AKT3: variants seen among roughly 807,000 people sequenced by gnomAD.
AKT3 encodes the protein AKT serine/threonine kinase 3, also known as RAC-gamma serine/threonine-protein kinase.
Under a neutral mutation model 65.3 loss-of-function variants are expected in AKT3, and 15 were observed. The ratio of observed to expected loss-of-function variants is 0.23; its 90% CI spans 0.15 to 0.35. The LOEUF is 0.35. Among genes scored for constraint, AKT3 ranks in the 10% least tolerant of loss-of-function variants. The probability of loss-of-function intolerance (pLI) is 1.00; values close to 1 mark genes in which losing one functional copy is unlikely to be tolerated. For synonymous variants in AKT3, 206 were observed against 183.8 expected (o/e 1.12, Z -0.98); for missense variants, 243 against 576.5 (o/e 0.42, Z 5.92).
chr1:243,598,003 G>T (rs769743414), intron 8 of AKT3, among the ~76,000 whole-genome samples: 21 of 152,122 alleles, frequency 1.4e-4, no homozygotes, highest in Non-Finnish European at 2.6e-4. Flanking sequence ...TCAAATAAAT[G>T]TACTAATAAT....
At chr1:243,724,831 T>C (rs1215113012) in intron 2 of AKT3, among the ~76,000 whole-genome samples, 1 of 152,030 alleles carries the variant, frequency 6.6e-6, no homozygotes, top group Non-Finnish European at 1.5e-5. Context: ...TTCCAGTTTC[T>C]GAGGGAAAAA....
rs564304739 is a variant in AKT3 at position 243,733,858 on chromosome 1, A to G, written c.47-38142T>C. On this transcript the variant is annotated intron_variant, in intron 2 of 13. Transcript: ENST00000673466. ...AAAATGACACAGATAGACTTGCTCAACAGAGTTGCCACAAACCTTCAATTT... is the reference window on the plus strand; with the variant it reads ...AAAATGACACAGATAGACTTGCTCAGCAGAGTTGCCACAAACCTTCAATTT... Among the ~76,000 whole-genome samples the G allele has an allele frequency of 4.6e-5, 7 of 152,356 alleles. No individual in the cohort carries two copies. In the South Asian group the frequency reaches 1.4e-3, roughly 32 times the overall value.
chr1:243,840,921 T>C (rs546460638), intron 2 of AKT3, among the ~76,000 whole-genome samples: 4 of 152,164 alleles, frequency 2.6e-5, no homozygotes, highest in South Asian at 2.1e-4. Context: ...TAGTATATTA[T>C]ATAAAAAACT....
chr1:243,501,442 G>A lies in AKT3; in HGVS notation c.*3807C>T, dbSNP rs1285111209. The stretch of plus-strand genomic sequence containing the variant: ...TTGTATAGATGATTCGGGTCTGAAT[G>A]TCCCCAGGGTCTGAGACCTCCTTCA... On this transcript the variant is annotated 3_prime_UTR_variant, in exon 14 of 14. Transcript: ENST00000673466. The A allele has an allele frequency of 4.3e-6, 1 of 233,042 alleles. No homozygotes were observed. The highest frequency in any genetic ancestry group is 8.5e-6 in the Non-Finnish European group (1 of 118,008). The allele number at this position is 233,042 out of a possible 1,614,324, so 14.4% of individuals were successfully genotyped here.
chr1:243,797,951 C>T (rs1181974469), intron 2 of AKT3, among the ~76,000 whole-genome samples: 2 of 147,788 alleles, frequency 1.4e-5, no homozygotes, highest in African/African-American at 2.5e-5. Context: ...GGTGTGATCT[C>T]GGCTCACTAA....
rs1428121463 is a variant in AKT3, at chr1:243,492,446, C to T, written c.*7-3996G>A. Among the ~76,000 whole-genome samples the T allele has an allele frequency of 1.7e-3, 248 of 149,664 alleles. 1 individual carries two copies. Among genetic ancestry groups the T allele is most frequent in the Non-Finnish European group, 3.0e-3 (200 of 67,230 alleles). On this transcript the variant is annotated intron_variant, in intron 13 of 13. Coordinates refer to the AKT3 transcript ENST00000336199. ...GCTCCCAAGTAGCTGGGATTACAGGCACCCACCACCACACCTAGCTAATTT... is the reference window on the plus strand; with the variant it reads ...GCTCCCAAGTAGCTGGGATTACAGGTACCCACCACCACACCTAGCTAATTT...
At chr1:243,591,486 T>C (rs1289203107) in intron 8 of AKT3, among the ~76,000 whole-genome samples, 1 of 152,100 alleles carries the variant, frequency 6.6e-6, no homozygotes, top group Non-Finnish European at 1.5e-5. Context: ...CATCTGACAA[T>C]GTAAAATTCA....
chr1:243,650,629 G>T (rs1681234444), intron 4 of AKT3, among the ~76,000 whole-genome samples: 1 of 152,114 alleles, frequency 6.6e-6, no homozygotes, highest in Admixed American at 6.6e-5. Context: ...CATATGGCTA[G>T]CCAGTTTTCC....
At position 243,500,929 on chromosome 1, in the gene AKT3, CCTT is replaced by C. The variant is rs1669234716; in HGVS notation, c.*4317_*4319del. On this transcript the variant is annotated 3_prime_UTR_variant, in exon 14 of 14. Coordinates refer to ENST00000673466, the MANE Select transcript of AKT3 (RefSeq NM_005465.7). ...CTGTCACATAAGATATTTTAATTGT[CCTT>C]AATTCTGTTTTAGATATACTGTGAA... is the stretch of plus-strand genomic sequence containing the variant. The C allele has an allele frequency of 4.4e-6, 1 of 227,702 alleles. No homozygotes were observed. Among genetic ancestry groups the C allele is most frequent in the African/African-American group, 2.2e-5 (1 of 45,016 alleles). The allele number at this position is 227,702 out of a possible 1,614,324, so 14.1% of individuals were successfully genotyped here.
intron 2 of AKT3, among the ~76,000 whole-genome samples, chr1:243,829,357 T>C (rs899056226): frequency 9.2e-5 from 14 of 152,194 alleles, no homozygotes; most frequent in Non-Finnish European, 1.5e-4. Flanking sequence ...AGTTTGTAAG[T>C]ATGACCTCAA....
intron 13 of AKT3, among the ~76,000 whole-genome samples, chr1:243,509,779 GCCTCTCCTAAA>G (rs1489026218): frequency 6.6e-6 from 1 of 152,108 alleles, no homozygotes; most frequent in Non-Finnish European, 1.5e-5. Flanking sequence ...AACTCTCGGT[GCCTCTCCTAAA>G]GAGACGGCTT....
rs2148341896 is a variant in AKT3 at position 243,503,563 on chromosome 1, A to G, written c.*1686T>C. ...TAGGACTTCACAGGCTGCTTTGGAA[A>G]TTGTCAGCTCCTAGCACCAAAGGGT... On this transcript the variant is annotated 3_prime_UTR_variant, in exon 14 of 14. Coordinates refer to ENST00000673466, the MANE Select transcript of AKT3 (RefSeq NM_005465.7). 2 of 233,370 alleles carry G rather than the reference A, an allele frequency of 8.6e-6. No homozygotes were observed. The highest frequency in any genetic ancestry group is 2.5e-3 in the Middle Eastern group (2 of 786). 14.5% of individuals were successfully genotyped at this position (233,370 alleles called of 1,614,324 possible).
chr1:243,819,326 G>A (rs1042570914), intron 2 of AKT3, among the ~76,000 whole-genome samples: 3 of 152,184 alleles, frequency 2.0e-5, no homozygotes, highest in South Asian at 2.1e-4. Context: ...GAGACTGGAC[G>A]GTTTGGACCC....
chr1:243,628,472 AT>A (rs1679351994), intron 6 of AKT3, among the ~76,000 whole-genome samples: 1 of 151,898 alleles, frequency 6.6e-6, no homozygotes, highest in Non-Finnish European at 1.5e-5. Flanking sequence ...GCTAATTTTT[AT>A]TTTTTGTAGA....
rs576267686 is a variant in AKT3 at position 243,843,904 on chromosome 1, C to A, written c.-112-622G>T. On this transcript the variant is annotated intron_variant, in intron 1 of 13. Transcript: ENST00000673466. ...TGACCTCATGATCCACCCGCCTCAGCCTCCCAAAGTGCTGGGATTACAGAA... is the reference window on the plus strand; with the variant it reads ...TGACCTCATGATCCACCCGCCTCAGACTCCCAAAGTGCTGGGATTACAGAA... Among the ~76,000 whole-genome samples the A allele has an allele frequency of 3.9e-5, 6 of 152,180 alleles. No individual in the cohort carries two copies. In the East Asian group the frequency reaches 9.7e-4, roughly 25 times the overall value.
At chr1:243,633,538 T>G (rs1001951746) in intron 6 of AKT3, among the ~76,000 whole-genome samples, 3 of 152,124 alleles carry the variant, frequency 2.0e-5, no homozygotes, top group African/African-American at 7.2e-5. Context: ...GTGGAGTTTT[T>G]GAGGGTTATT....
At chr1:243,662,756 T>C (rs1042550884) in intron 4 of AKT3, among the ~76,000 whole-genome samples, 3 of 152,000 alleles carry the variant, frequency 2.0e-5, no homozygotes, top group Non-Finnish European at 4.4e-5. Flanking sequence ...TCAAGTCATA[T>C]AGAATGTCCA....
rs558329833 is a variant in AKT3 at position 243,642,522 on chromosome 1, G to GA, written c.429+3370dup. The stretch of plus-strand genomic sequence containing the variant: ...GACGGGGTTTCACCGTGTTAGCCAG[G>GA]ATGGTCTCGATCTCCTGACCTTGTG... On this transcript the variant is annotated intron_variant, in intron 5 of 13. Coordinates refer to ENST00000673466, the MANE Select transcript of AKT3 (RefSeq NM_005465.7). Among the ~76,000 whole-genome samples, 637 of 152,230 alleles carry GA rather than the reference G, an allele frequency of 4.2e-3. 5 individuals carry two copies. The highest frequency in any genetic ancestry group is 0.015 in the African/African-American group (609 of 41,532).
At chr1:243,588,204 C>G (rs973002510) in intron 8 of AKT3, among the ~76,000 whole-genome samples, 4 of 152,118 alleles carry the variant, frequency 2.6e-5, no homozygotes, top group Non-Finnish European at 5.9e-5. Context: ...AGAATCTGCA[C>G]AGTTGAGTCT....
Sources: gnomAD v4.1 joint callset for allele counts (sites outside exome capture counted in the v4.1 genomes callset) on GRCh38, gnomAD v4.1.1 for gene constraint, MANE v1.5 for transcripts, NCBI Gene and HGNC (gene_info 2026-07-23, HGNC 2026-07-21) for gene names.